ZNF263: variants seen among roughly 807,000 people sequenced by gnomAD.
ZNF263 encodes zinc finger protein 263.
Under a neutral mutation model 63.1 loss-of-function variants are expected in ZNF263, and 49 were observed. That is an observed-to-expected ratio of 0.78 (90% CI 0.62 to 0.99). The LOEUF (loss-of-function observed/expected upper bound fraction) is 0.99, where lower values mean the gene tolerates loss of function less well. ZNF263 is among the 50% of genes least tolerant of loss of function. The pLI is 0.00. For synonymous variants in ZNF263, 352 were observed against 324.2 expected, an observed-to-expected ratio of 1.09 and a Z score of -0.92; for missense variants, 872 against 854.8, an observed-to-expected ratio of 1.02 and a Z score of -0.25.
In ZNF263 at chr16:3,299,808, G is replaced by A; in HGVS notation, c.*46+652G>A. 5 of 1,586,570 alleles carry A rather than the reference G, an allele frequency of 3.2e-6. No individual in the cohort carries two copies. In the Admixed American group the frequency reaches 5.6e-5, roughly 18 times the overall value. Reference sequence around the variant, plus strand: ...GAAAATGTCGGACCTCAGGAACAAAGTTTTGAAAAAACCATTCTGAAAACA... The same window carrying A: ...GAAAATGTCGGACCTCAGGAACAAAATTTTGAAAAAACCATTCTGAAAACA... On this transcript the variant is annotated intron_variant, in intron 2 of 2. Coordinates refer to the ZNF263 transcript ENST00000574674.
intron 1 of ZNF263, among the ~76,000 whole-genome samples, chr16:3,297,453 ATTCTT>A (rs1959783449): frequency 1.6e-5 from 2 of 124,966 alleles, no homozygotes; most frequent in Non-Finnish European, 3.3e-5. Context: ...TCAGAAACAG[ATTCTT>A]TTTTTTTTTT....
Position 3,284,104 on chromosome 16 carries a change from G to T in ZNF263, c.286G>T (p.Glu96Ter). Reference protein sequence around the residue: ...LEQFLTILPQEIQSRVQELHP... With the variant: ...LEQFLTILPQ ...GCAGTTCCTGACCATCCTGCCCCAG[G>T]AGATCCAGAGCAGGGTGCAGGAGCT... The change falls in exon 1 of 6, where the codon GAG becomes TAG. Residue 96 changes from glutamate to a stop codon, truncating the protein, a stop_gained. Transcript: ENST00000219069. LOFTEE classifies it high-confidence loss of function. The T allele has an allele frequency of 6.2e-7, 1 of 1,613,198 alleles. No individual in the cohort carries two copies. The highest frequency in any genetic ancestry group is 8.5e-7 in the Non-Finnish European group (1 of 1,179,434).
In ZNF263 at chr16:3,289,753, G is replaced by T. The variant is rs1959530750; in HGVS notation, c.1247G>T (p.Gly416Val). 6.2e-7 allele frequency: 1 copy of T among 1,614,210 alleles called. No individual in the cohort carries two copies. The highest frequency in any genetic ancestry group is 8.5e-7 in the Non-Finnish European group (1 of 1,180,032). The change falls in exon 6 of 6, where the codon GGT (glycine) becomes GTT (valine). Residue 416 changes from glycine to valine, a missense_variant. Gly to Val is a moderately radical substitution (Grantham distance 109, BLOSUM62 -3). Transcript: ENST00000219069. ...GGTGTGGACTGCACTGAAATCTTTG[G>T]TGGGAACCCACGTTTCCTGTCACTA... ...CMGVDCTEIF[G>V]GNPRFLSLHR...
In ZNF263 at chr16:3,290,998, C is replaced by T; in HGVS notation, c.*440C>T. The T allele has an allele frequency of 1.1e-5, 11 of 998,130 alleles. No individual in the cohort carries two copies. Among genetic ancestry groups the T allele is most frequent in the Non-Finnish European group, 1.2e-5 (10 of 836,104 alleles). The allele number at this position is 998,130 out of a possible 1,614,324, so 61.8% of individuals were successfully genotyped here. A position where few individuals can be genotyped will look rare whatever the true frequency, so the allele number is the denominator to read the frequency against. On this transcript the variant is annotated 3_prime_UTR_variant, in exon 6 of 6. Coordinates refer to ENST00000219069, the MANE Select transcript of ZNF263 (RefSeq NM_005741.5). ...AGACCAAAGAAGAGGGGCCAAGTAC[C>T]CTGGGAAATCAGCTGAAGGTCAACA...
chr16:3,299,240 T>C lies in ZNF263; in HGVS notation c.*46+84T>C, dbSNP rs778173684. ...TCTCCTCCTTTTTGAACAACTTCCT[T>C]TGTTATTCCACCTTTGGTTTTTAGG... On this transcript the variant is annotated intron_variant, in intron 2 of 2. Coordinates refer to the ZNF263 transcript ENST00000574674. 17 of 1,611,288 alleles carry C rather than the reference T, an allele frequency of 1.1e-5. 1 individual carries two copies. In the South Asian group the frequency reaches 1.9e-4, roughly 18 times the overall value.
chr16:3,299,996 T>A (rs1375436441), intron 2 of ZNF263: 1 of 1,614,136 alleles, frequency 6.2e-7, no homozygotes, highest in Admixed American at 1.7e-5. Flanking sequence ...AACCTTTCTT[T>A]GTTTATTTTC....
downstream of ZNF263, among the ~76,000 whole-genome samples, chr16:3,295,479 C>T (rs1366998254): frequency 6.6e-6 from 1 of 152,246 alleles, no homozygotes; most frequent in Non-Finnish European, 1.5e-5. Flanking sequence ...GGTTTCCTCT[C>T]CTAGACTCGA....
rs770138722 is a variant in ZNF263, at chr16:3,285,697, G to A, written c.585G>A (p.Trp195Ter). ...CACCTTCAGCATTATCTGCTCCCTG[G>A]CTTTCTCTTTTTCCTCCTGAAGGGA... ...AVKERALSAPWLSLFPPEGNM... is the reference protein window; with the variant it reads ...AVKERALSAP Residue 195 changes from tryptophan (W) to a stop codon, truncating the protein, a stop_gained, in exon 3 of 6, where the codon TGG becomes TGA. Transcript: ENST00000219069. LOFTEE classifies it high-confidence loss of function. 5 of 1,613,988 alleles carry A rather than the reference G, an allele frequency of 3.1e-6. No homozygotes were observed. In the Admixed American group the frequency reaches 6.7e-5, roughly 22 times the overall value.
intron 1 of ZNF263, among the ~76,000 whole-genome samples, chr16:3,298,098 G>C (rs1277617007): frequency 6.6e-6 from 1 of 152,164 alleles, no homozygotes; most frequent in Non-Finnish European, 1.5e-5. Context: ...TCCCCTGGTG[G>C]AGTATTAAAA....
At position 3,283,838 on chromosome 16, in the gene ZNF263, C is replaced by T; in HGVS notation, c.20C>T (p.Ser7Phe). 1.3e-6 allele frequency: 2 copies of T among 1,581,396 alleles called. No homozygotes were observed. Among genetic ancestry groups the T allele is most frequent in the Middle Eastern group, 1.9e-4 (1 of 5,336 alleles). Reference sequence around the variant, plus strand: ...CTGACGATGGCGTCGGGCCCGGGCTCCCAGGAACGGGAAGGGCTCCTGATA... The same window carrying T: ...CTGACGATGGCGTCGGGCCCGGGCTTCCAGGAACGGGAAGGGCTCCTGATA... MASGPG[S>F]QEREGLLIVK... is the part of the protein sequence containing the mutation. Residue 7 changes from serine to phenylalanine, a missense_variant, in exon 1 of 6, where the codon TCC (serine) becomes TTC (phenylalanine). Transcript: ENST00000219069.
chr16:3,288,352 A>C, intron 4 of ZNF263, 102 bp from the exon 5 acceptor site: 1 of 830,330 alleles, frequency 1.2e-6, no homozygotes, highest in Non-Finnish European at 2.1e-6. Context: ...AGATTTATGG[A>C]GCATTCTGTA....
In ZNF263 at chr16:3,290,970, C is replaced by G. The variant is rs1018228596; in HGVS notation, c.*412C>G. 55 of 999,920 alleles carry G rather than the reference C, an allele frequency of 5.5e-5. No homozygotes were observed. In the African/African-American group the frequency reaches 9.2e-4, roughly 17 times the overall value. 61.9% of individuals were successfully genotyped at this position (999,920 alleles called of 1,614,324 possible). A position where few individuals can be genotyped will look rare whatever the true frequency, so the allele number is the denominator to read the frequency against. ...AGGAGCATTTGGGCTTCCGGGGCCC[C>G]TGAGACCAAAGAAGAGGGGCCAAGT... On this transcript the variant is annotated 3_prime_UTR_variant, in exon 6 of 6. Coordinates refer to ENST00000219069, the MANE Select transcript of ZNF263 (RefSeq NM_005741.5).
In ZNF263 at chr16:3,283,914, C is replaced by A. The variant is rs763489293; in HGVS notation, c.96C>A (p.Asp32Glu). The change falls in exon 1 of 6, where the codon GAC becomes GAA. Residue 32 changes from aspartate to glutamate, a missense_variant. By Grantham distance (45) the Asp-to-Glu change is conservative (BLOSUM62 2). Transcript: ENST00000219069. ...GGAGCCAGGAGCTGCCCCCACCTGA[C>A]CCAGGACCGAGCCCCGAGGCCTCCC... ...CAWSQELPPP[D>E]PGPSPEASHL... The A allele has an allele frequency of 8.1e-6, 13 of 1,613,374 alleles. No individual in the cohort carries two copies. The highest frequency in any genetic ancestry group is 4.0e-5 in the African/African-American group (3 of 74,938).
rs1253787870 is a variant in ZNF263 at position 3,290,715 on chromosome 16, G to C, written c.*157G>C. 22 of 1,425,366 alleles carry C rather than the reference G, an allele frequency of 1.5e-5. No individual in the cohort carries two copies. Among genetic ancestry groups the C allele is most frequent in the Non-Finnish European group, 1.8e-5 (20 of 1,095,592 alleles). The allele number at this position is 1,425,366 out of a possible 1,614,324, so 88.3% of individuals were successfully genotyped here. A position where few individuals can be genotyped will look rare whatever the true frequency, so the allele number is the denominator to read the frequency against. On this transcript the variant is annotated 3_prime_UTR_variant, in exon 6 of 6. Coordinates refer to ENST00000219069, the MANE Select transcript of ZNF263 (RefSeq NM_005741.5). ...GGAGGTGCAGAGGCAGCAGAGGATT[G>C]GCATAAAACTGAAAAGGAGTTCTGT... is the stretch of plus-strand genomic sequence containing the variant.
At chr16:3,286,439 A>G in intron 4 of ZNF263, 1 of 250,700 alleles carries the variant, frequency 4.0e-6, no homozygotes, top group Non-Finnish European at 7.5e-6. Flanking sequence ...CCAGCATCAC[A>G]CACATGCAGT....
intron 1 of ZNF263, 27 bp downstream of exon 1, chr16:3,284,232 C>A: frequency 6.6e-7 from 1 of 1,506,414 alleles, no homozygotes; most frequent in South Asian, 1.3e-5. Context: ...GCTGTTTTAT[C>A]TGTGGTTTGT....
chr16:3,284,262 C>G, intron 1 of ZNF263, 57 bp downstream of exon 1: 1 of 1,453,970 alleles, frequency 6.9e-7, no homozygotes, highest in Admixed American at 2.5e-5. Context: ...AGCACTGGGA[C>G]ATTGCGCCCC....
intron 4 of ZNF263, 73 bp from the exon 5 acceptor site, chr16:3,288,381 G>A: frequency 9.1e-7 from 1 of 1,096,632 alleles, no homozygotes; most frequent in Non-Finnish European, 1.4e-6. Flanking sequence ...CTGAGGGCAG[G>A]GAACAAGACT....
chr16:3,288,312 A>C, intron 4 of ZNF263, 142 bp from the exon 5 acceptor site: 1 of 651,338 alleles, frequency 1.5e-6, no homozygotes, highest in Non-Finnish European at 2.8e-6. Context: ...CACTGGGAAC[A>C]GTTTGTGTAT....
Sources: allele counts gnomAD v4.1 joint callset (sites outside exome capture counted in the v4.1 genomes callset), GRCh38; gene constraint gnomAD v4.1.1; transcripts MANE v1.5; gene names NCBI Gene and HGNC (gene_info 2026-07-23, HGNC 2026-07-21).